TAB1: variants seen among roughly 807,000 people sequenced by gnomAD.
TAB1 encodes TGF-beta-activated kinase 1 and MAP3K7-binding protein 1.
Under a neutral mutation model 54.5 loss-of-function variants are expected in TAB1, and 30 were observed. The ratio of observed to expected loss-of-function variants is 0.55; its 90% CI spans 0.41 to 0.75. TAB1 has a LOEUF of 0.75. Among genes scored for constraint, TAB1 ranks in the 30% least tolerant of loss-of-function variants. The pLI is 0.00. For missense variants in TAB1, 609 were observed against 683.2 expected, an observed-to-expected ratio of 0.89 and a Z score of 1.21; for synonymous variants, 289 against 286.9, an observed-to-expected ratio of 1.01 and a Z score of -0.07.
chr22:39,424,422 C>G (rs956525714), intron 8 of TAB1, among the ~76,000 whole-genome samples: 28 of 151,036 alleles, frequency 1.9e-4, no homozygotes, highest in African/African-American at 6.8e-4. Context: ...ATCCCCTGTT[C>G]CCTGTGTTCT....
chr22:39,404,848 A>G (rs377715767), intron 1 of TAB1, among the ~76,000 whole-genome samples: 2 of 152,204 alleles, frequency 1.3e-5, no homozygotes, highest in African/African-American at 2.4e-5. Context: ...AGAACCTTCA[A>G]TGAAAACTCC....
chr22:39,430,579 A>G lies in TAB1; in HGVS notation c.*357A>G. The G allele has an allele frequency of 8.6e-7, 1 of 1,156,970 alleles. No homozygotes were observed. Among genetic ancestry groups the G allele is most frequent in the East Asian group, 5.4e-5 (1 of 18,670 alleles). The allele number at this position is 1,156,970 out of a possible 1,614,324, so 71.7% of individuals were successfully genotyped here. A position where few individuals can be genotyped will look rare whatever the true frequency, so the allele number is the denominator to read the frequency against. On this transcript the variant is annotated 3_prime_UTR_variant, in exon 11 of 11. Coordinates refer to ENST00000216160, the MANE Select transcript of TAB1 (RefSeq NM_006116.3). ...AGGAAGAGGCGCCCTGTGAACCCTG[A>G]GTGTTGCAGGCCCAGCAGACCCTGC...
chr22:39,420,808 TG>T (rs1927042338), intron 7 of TAB1, among the ~76,000 whole-genome samples: 1 of 148,342 alleles, frequency 6.7e-6, no homozygotes, highest in Non-Finnish European at 1.5e-5. Context: ...TGTGTGTGTG[TG>T]TGTGTGTGTT....
chr22:39,428,874 C>T (rs1475541767), intron 10 of TAB1, among the ~76,000 whole-genome samples: 1 of 152,252 alleles, frequency 6.6e-6, no homozygotes, highest in Admixed American at 6.5e-5. Flanking sequence ...TCTGCCCCAT[C>T]AGGGGGCCTT....
chr22:39,406,827 G>T (rs1926388050), intron 1 of TAB1, among the ~76,000 whole-genome samples: 1 of 152,050 alleles, frequency 6.6e-6, no homozygotes, highest in African/African-American at 2.4e-5. Context: ...TAGAGACGGG[G>T]TTTCACCGTG....
intron 6 of TAB1, 41 bp from the exon 7 acceptor site, chr22:39,419,478 G>A: frequency 6.7e-7 from 1 of 1,495,426 alleles, no homozygotes; most frequent in East Asian, 2.3e-5. Context: ...GTTCCTCTTT[G>A]TGAACAAGAA....
chr22:39,422,171 G>A (rs1927121088), intron 8 of TAB1, among the ~76,000 whole-genome samples, 200 bp downstream of exon 8: 1 of 152,186 alleles, frequency 6.6e-6, no homozygotes, highest in Non-Finnish European at 1.5e-5. Flanking sequence ...GCTTGAAGCA[G>A]TGCCAGTCCT....
chr22:39,399,970 C>A, intron 1 of TAB1, 135 bp downstream of exon 1: 1 of 1,004,846 alleles, frequency 1.0e-6, no homozygotes. Flanking sequence ...ACCTTCTCCT[C>A]TCCTCGGGCT....
downstream of TAB1, chr22:39,437,040 C>T (rs1927812370): frequency 6.4e-6 from 1 of 156,986 alleles, no homozygotes; most frequent in Non-Finnish European, 1.4e-5. Flanking sequence ...CTTTCATGGG[C>T]CTCTTCTGCA....
At position 39,415,654 on chromosome 22, in the gene TAB1, G is replaced by T. The variant is rs1340831531; in HGVS notation, c.324+1G>T. Reference sequence around the variant, plus strand: ...CGATGTGCGGCGTGTGCTGCTGCAGGTAATGGTGCCGGGGCCAACAGTGAC... The same window carrying T: ...CGATGTGCGGCGTGTGCTGCTGCAGTTAATGGTGCCGGGGCCAACAGTGAC... On this transcript the variant is annotated splice_donor_variant, in intron 3 of 10. Coordinates refer to ENST00000216160, the MANE Select transcript of TAB1 (RefSeq NM_006116.3). LOFTEE classifies it high-confidence loss of function. The surrounding 1 kb of genome is among the most constrained non-coding windows in gnomAD (Gnocchi z 4.9). The T allele has an allele frequency of 6.2e-7, 1 of 1,606,630 alleles. No homozygotes were observed. The highest frequency in any genetic ancestry group is 1.7e-5 in the Admixed American group (1 of 59,966).
intron 8 of TAB1, 112 bp downstream of exon 8, chr22:39,422,083 C>T (rs1927116647): frequency 7.6e-6 from 8 of 1,052,548 alleles, no homozygotes; most frequent in Non-Finnish European, 1.0e-5. Flanking sequence ...CCAGACATCT[C>T]TGGGTTCAAA....
chr22:39,411,413 CCT>C (rs1926600111), intron 1 of TAB1, among the ~76,000 whole-genome samples: 1 of 152,112 alleles, frequency 6.6e-6, no homozygotes, highest in Non-Finnish European at 1.5e-5. Flanking sequence ...AAGAAAATAA[CCT>C]AATTTAAAAA....
intron 1 of TAB1, among the ~76,000 whole-genome samples, chr22:39,412,484 TCA>T (rs59685778): frequency 0.051 from 7,780 of 152,210 alleles, 312 homozygotes; most frequent in African/African-American, 0.1. Context: ...GTGTCAACAT[TCA>T]CAGATGTGCG....
chr22:39,420,775 CTGTGTG>C lies in TAB1; in HGVS notation c.777-1014_777-1009del, dbSNP rs71326771. On this transcript the variant is annotated intron_variant, in intron 7 of 10. Transcript: ENST00000216160. ...ATGCACATATACACACACGGTGTCT[CTGTGTG>C]TGTGTGTGTGTGTGTGTGTGTGTGT... Among the ~76,000 whole-genome samples the C allele has an allele frequency of 4.9e-3, 351 of 71,818 alleles. 2 individuals are homozygous for C. The highest frequency in any genetic ancestry group is 0.028 in the East Asian group (50 of 1,764). The allele number at this position is 71,818 out of a possible 152,430, so 47.1% of individuals were successfully genotyped here.
At chr22:39,418,661 C>A in intron 5 of TAB1, 71 bp from the exon 6 acceptor site, 1 of 1,197,400 alleles carries the variant, frequency 8.4e-7, no homozygotes, top group Non-Finnish European at 1.2e-6. Flanking sequence ...CCTTTTCCCT[C>A]TCTGCCTTCC....
At chr22:39,405,371 C>T (rs1357747336) in intron 1 of TAB1, among the ~76,000 whole-genome samples, 1 of 152,246 alleles carries the variant, frequency 6.6e-6, no homozygotes, top group African/African-American at 2.4e-5. Flanking sequence ...TTGAAACAGG[C>T]TTCTTAACGT....
chr22:39,421,845 A>G lies in TAB1; in HGVS notation c.795A>G (p.Pro265=). The change falls in exon 8 of 11, where the codon CCA becomes CCG. Residue 265 remains proline, a synonymous_variant. Coordinates refer to ENST00000216160, the MANE Select transcript of TAB1 (RefSeq NM_006116.3). ...IDLLSAAKSK[P]IIAEPEIHGA... ...CCCATAGCGCTGCCAAGTCCAAACC[A>G]ATCATCGCAGAGCCAGAAATCCATG... 6.2e-7 allele frequency: 1 copy of G among 1,614,050 alleles called. No individual in the cohort carries two copies.
intron 9 of TAB1, among the ~76,000 whole-genome samples, chr22:39,427,635 A>G (rs1927408343): frequency 6.6e-6 from 1 of 152,212 alleles, no homozygotes; most frequent in East Asian, 1.9e-4. Flanking sequence ...CATGGACACC[A>G]GGGTTATTGG....
At chr22:39,409,001 G>A (rs1926497921) in intron 1 of TAB1, among the ~76,000 whole-genome samples, 1 of 152,192 alleles carries the variant, frequency 6.6e-6, no homozygotes, top group Admixed American at 6.5e-5. Flanking sequence ...TTTGCATTGT[G>A]GTGACACATT....
Sources: allele counts gnomAD v4.1 joint callset (sites outside exome capture counted in the v4.1 genomes callset), GRCh38; gene constraint gnomAD v4.1.1; non-coding constraint Gnocchi (gnomAD v3.1); transcripts MANE v1.5; gene names NCBI Gene and HGNC (gene_info 2026-07-23, HGNC 2026-07-21).